Variants in SHISA7 observed in about 807,000 individuals in gnomAD.
The protein encoded by SHISA7 is protein shisa-7.
Under a neutral mutation model 23.9 loss-of-function variants are expected in SHISA7, and 6 were observed. The ratio of observed to expected loss-of-function variants is 0.25; its 90% CI spans 0.14 to 0.50. The LOEUF (loss-of-function observed/expected upper bound fraction) is 0.50. Among genes scored for constraint, SHISA7 ranks in the 20% least tolerant of loss-of-function variants. The probability of loss-of-function intolerance (pLI) is 0.98; values close to 1 mark genes in which losing one functional copy is unlikely to be tolerated. For missense variants in SHISA7, 671 were observed against 801.1 expected (o/e 0.84, Z 1.96); for synonymous variants, 386 against 398.3 (o/e 0.97, Z 0.37).
intron 2 of SHISA7, among the ~76,000 whole-genome samples, chr19:55,438,374 C>A (rs769140059): frequency 2.0e-5 from 3 of 152,176 alleles, no homozygotes; most frequent in Non-Finnish European, 4.4e-5. Flanking sequence ...AGAGAGATGA[C>A]CACTTTTGGC....
chr19:55,434,835 TGTG>T (rs759264375), intron 3 of SHISA7, among the ~76,000 whole-genome samples: 1 of 113,778 alleles, frequency 8.8e-6, no homozygotes, highest in African/African-American at 3.6e-5. Context: ...GTGTGTGGTG[TGTG>T]GTGTGTGTGT....
chr19:55,433,585 C>T lies in SHISA7; in HGVS notation c.1188G>A (p.Ser396=), dbSNP rs1370096924. The change falls in exon 4 of 4, where the codon TCG becomes TCA. Residue 396 remains serine (S), a synonymous_variant. Coordinates refer to ENST00000376325, the MANE Select transcript of SHISA7 (RefSeq NM_001145176.2). This position sits in a 1 kb window ranked among gnomAD's most constrained non-coding sequence, Gnocchi z 8.4. ...CGCGCGGCAGCGTGAACTCGTAGCGCGAACGGCCACCATCGCCCAGCAGGT... is the reference window on the plus strand; with the variant it reads ...CGCGCGGCAGCGTGAACTCGTAGCGTGAACGGCCACCATCGCCCAGCAGGT... The part of the protein sequence containing the change: ...QEHLLGDGGR[S]RYEFTLPRAR... The T allele has an allele frequency of 6.7e-7, 1 of 1,498,608 alleles. No homozygotes were observed. The highest frequency in any genetic ancestry group is 2.2e-5 in the Admixed American group (1 of 46,296). The allele number at this position is 1,498,608 out of a possible 1,614,324, so 92.8% of individuals were successfully genotyped here.
intron 2 of SHISA7, chr19:55,438,575 T>G: frequency 7.7e-7 from 1 of 1,304,240 alleles, no homozygotes; most frequent in Non-Finnish European, 1.0e-6. Context: ...TGTGGCGGCG[T>G]GGTGCTTGGG....
chr19:55,433,010 G>A lies in SHISA7; in HGVS notation c.*146C>T, dbSNP rs1287790047. Reference sequence around the variant, plus strand: ...AGTAATAGGAGGAGGAATCTTGTCTGCCAGGACATCCCAGAAGGAGGCTTT... The same window carrying A: ...AGTAATAGGAGGAGGAATCTTGTCTACCAGGACATCCCAGAAGGAGGCTTT... On this transcript the variant is annotated 3_prime_UTR_variant, in exon 4 of 4. Coordinates refer to ENST00000376325, the MANE Select transcript of SHISA7 (RefSeq NM_001145176.2). This position sits in a 1 kb window ranked among gnomAD's most constrained non-coding sequence, Gnocchi z 8.4. 1.0e-6 allele frequency: 1 copy of A among 996,676 alleles called. No individual in the cohort carries two copies. The highest frequency in any genetic ancestry group is 3.7e-5 in the Admixed American group (1 of 26,688). 61.7% of individuals were successfully genotyped at this position (996,676 alleles called of 1,614,324 possible).
rs147688371 is a variant in SHISA7 at position 55,432,110 on chromosome 19, G to A, written c.*1046C>T. 6.5e-6 allele frequency: 1 copy of A among 152,780 alleles called. No homozygotes were observed. The highest frequency in any genetic ancestry group is 2.4e-5 in the African/African-American group (1 of 41,550). 9.5% of individuals were successfully genotyped at this position (152,780 alleles called of 1,614,324 possible). On this transcript the variant is annotated 3_prime_UTR_variant, in exon 4 of 4. Transcript: ENST00000376325. This position sits in a 1 kb window ranked among gnomAD's most constrained non-coding sequence, Gnocchi z 4.6. ...GGGGGTAGGGGTGTCACTGCCAACA[G>A]CCTACACAGACCATCATCTCTGGAG...
At chr19:55,434,708 GTGGGTGTGTGGT>G (rs1985348790) in intron 3 of SHISA7, among the ~76,000 whole-genome samples, 1 of 112,198 alleles carries the variant, frequency 8.9e-6, no homozygotes, top group African/African-American at 3.6e-5. Context: ...TGTGTGTGGT[GTGGGTGTGTGGT>G]TGTGTGGTGT....
Position 55,433,247 on chromosome 19 carries a change from C to T in SHISA7, c.1526G>A (p.Arg509His), listed in dbSNP as rs1401219518. ...GTLARRPPFQRQGTLEQLQFI... is the reference protein window; with the variant it reads ...GTLARRPPFQHQGTLEQLQFI... The stretch of plus-strand genomic sequence containing the variant: ...CTGCAGCTGCTCCAGCGTGCCCTGG[C>T]GCTGGAAGGGCGGCCTGCGGGCCAG... The change falls in exon 4 of 4, where the codon CGC becomes CAC. Residue 509 changes from arginine (R) to histidine (H), a missense_variant. Arg to His is a conservative substitution (Grantham distance 29, BLOSUM62 0). Transcript: ENST00000376325. This position sits in a 1 kb window ranked among gnomAD's most constrained non-coding sequence, Gnocchi z 8.4. 6.6e-7 allele frequency: 1 copy of T among 1,521,888 alleles called. No homozygotes were observed. The highest frequency in any genetic ancestry group is 8.8e-7 in the Non-Finnish European group (1 of 1,141,028). 94.3% of individuals were successfully genotyped at this position (1,521,888 alleles called of 1,614,324 possible).
In SHISA7 at chr19:55,434,542, T is replaced by TTGTGTGTGTATGG. The variant is rs1250402217; in HGVS notation, c.977-759_977-747dup. ...GTGTGGTTGTGTGGTGTGTGTGTGGTTGTGTGTGTATGGTGTGTGTGGTGT... is the reference window on the plus strand; with the variant it reads ...GTGTGGTTGTGTGGTGTGTGTGTGGTTGTGTGTGTATGGTGTGTGTGTATGGTGTGTGTGGTGT... On this transcript the variant is annotated intron_variant, in intron 3 of 3. Transcript: ENST00000376325. 5.3e-3 allele frequency among the ~76,000 whole-genome samples: 517 copies of TTGTGTGTGTATGG among 97,092 alleles called. 3 individuals carry two copies. The highest frequency in any genetic ancestry group is 0.015 in the East Asian group (44 of 2,844). The allele number at this position is 97,092 out of a possible 152,430, so 63.7% of individuals were successfully genotyped here.
At chr19:55,438,785 G>A (rs1985527540) in intron 2 of SHISA7, among the ~76,000 whole-genome samples, 1 of 152,128 alleles carries the variant, frequency 6.6e-6, no homozygotes, top group Non-Finnish European at 1.5e-5. Context: ...GGCCACATGG[G>A]GGAAACTGAG....
intron 2 of SHISA7, among the ~76,000 whole-genome samples, chr19:55,439,884 G>GC (rs956266808): frequency 2.0e-5 from 3 of 151,556 alleles, no homozygotes; most frequent in Non-Finnish European, 2.9e-5. Context: ...AAGCCCTTCT[G>GC]CCCCCAAACC....
chr19:55,434,913 ATG>A (rs750784384), intron 3 of SHISA7, among the ~76,000 whole-genome samples: 32 of 54,244 alleles, frequency 5.9e-4, no homozygotes, highest in Non-Finnish European at 8.4e-4. Context: ...GTGTGTGTAT[ATG>A]TGGTGTGTGT....
Position 55,442,408 on chromosome 19 carries a change from AC to A in SHISA7, c.455del (p.Gly152ValfsTer79). The A allele has an allele frequency of 1.5e-6, 2 of 1,377,874 alleles. No homozygotes were observed. Among genetic ancestry groups the A allele is most frequent in the Non-Finnish European group, 1.9e-6 (2 of 1,068,208 alleles). The allele number at this position is 1,377,874 out of a possible 1,614,324, so 85.4% of individuals were successfully genotyped here. Reference sequence around the variant, plus strand: ...GGCCGGGCCCTGGCCCCCCGCCCGCACCCCCAGCGCCCCCGGCGCCCCCAGC... The same window carrying A: ...GGCCGGGCCCTGGCCCCCCGCCCGCACCCCAGCGCCCCCGGCGCCCCCAGC... ...PLAGGAGGAG[G>X]AGGGPGPGQA... On this transcript the variant is annotated frameshift_variant, in exon 1 of 4. Transcript: ENST00000376325. LOFTEE classifies it high-confidence loss of function.
intron 3 of SHISA7, among the ~76,000 whole-genome samples, chr19:55,435,583 T>G (rs994529417): frequency 1.0e-5 from 1 of 99,110 alleles, no homozygotes; most frequent in Non-Finnish European, 1.9e-5. Flanking sequence ...TGAGACTCCA[T>G]CTCTACAAAA....
At chr19:55,435,215 GGTGTGTGT>G (rs530307737) in intron 3 of SHISA7, among the ~76,000 whole-genome samples, 1 of 133,198 alleles carries the variant, frequency 7.5e-6, no homozygotes, top group Admixed American at 7.5e-5. Flanking sequence ...GTGTGTGTAT[GGTGTGTGT>G]GTATGTGTGT....
intron 1 of SHISA7, among the ~76,000 whole-genome samples, chr19:55,441,583 C>T (rs896422957): frequency 2.0e-5 from 3 of 152,222 alleles, no homozygotes; most frequent in Non-Finnish European, 4.4e-5. Flanking sequence ...GAGGCCTTTT[C>T]GGATCACTTC....
Position 55,434,827 on chromosome 19 carries a change from GT to G in SHISA7, c.977-1032del, listed in dbSNP as rs1258362963. Among the ~76,000 whole-genome samples the G allele has an allele frequency of 5.5e-4, 43 of 78,108 alleles. 1 individual carries two copies. The highest frequency in any genetic ancestry group is 9.8e-4 in the Non-Finnish European group (40 of 40,988). The allele number at this position is 78,108 out of a possible 152,430, so 51.2% of individuals were successfully genotyped here. A position where few individuals can be genotyped will look rare whatever the true frequency, so the allele number is the denominator to read the frequency against. ...GCGTGTGTGCATGGTGTGTATGTGTGTGTGGTGTGTGGTGTGTGTGTGCGTG... is the reference window on the plus strand; with the variant it reads ...GCGTGTGTGCATGGTGTGTATGTGTGGTGGTGTGTGGTGTGTGTGTGCGTG... On this transcript the variant is annotated intron_variant, in intron 3 of 3. Transcript: ENST00000376325.
rs189561755 is a variant in SHISA7, at chr19:55,437,202, A to G, written c.976+403T>C. The stretch of plus-strand genomic sequence containing the variant: ...GTGGTCGTTGCCACCACGAGGGGAG[A>G]CTCTCTGAAAATGAGGCCCGCCGGT... On this transcript the variant is annotated intron_variant, in intron 3 of 3. Coordinates refer to ENST00000376325, the MANE Select transcript of SHISA7 (RefSeq NM_001145176.2). Among the ~76,000 whole-genome samples, 40 of 152,048 alleles carry G rather than the reference A, an allele frequency of 2.6e-4. No individual in the cohort carries two copies. In the East Asian group the frequency reaches 7.5e-3, roughly 29 times the overall value.
At chr19:55,440,892 T>C in intron 1 of SHISA7, 127 bp from the exon 2 acceptor site, 4 of 909,428 alleles carry the variant, frequency 4.4e-6, no homozygotes, top group Non-Finnish European at 5.8e-6. Context: ...TTTTCGCCAT[T>C]GGCCACGCCC....
Position 55,431,429 on chromosome 19 carries a change from AGAT to A in SHISA7, c.*1724_*1726del, listed in dbSNP as rs1568449271. 3 of 152,248 alleles carry A rather than the reference AGAT, an allele frequency of 2.0e-5. No homozygotes were observed. The highest frequency in any genetic ancestry group is 2.1e-4 in the South Asian group (1 of 4,822). 9.4% of individuals were successfully genotyped at this position (152,248 alleles called of 1,614,324 possible). On this transcript the variant is annotated 3_prime_UTR_variant, in exon 4 of 4. Coordinates refer to ENST00000376325, the MANE Select transcript of SHISA7 (RefSeq NM_001145176.2). ...ACCGTCAGCTGTGGTGGCTCCTGAA[AGAT>A]GATGACACCATGGTTGTGAGGAATC...
Sources: allele counts gnomAD v4.1 joint callset (sites outside exome capture counted in the v4.1 genomes callset), GRCh38; gene constraint gnomAD v4.1.1; non-coding constraint Gnocchi (gnomAD v3.1); transcripts MANE v1.5; gene names NCBI Gene and HGNC (gene_info 2026-07-23, HGNC 2026-07-21).